The following SAMD5 variants were observed in gnomAD, a reference collection of about 807,000 sequenced individuals.
The protein encoded by SAMD5 is sterile alpha motif domain-containing protein 5.
Under a neutral mutation model 11.3 loss-of-function variants are expected in SAMD5, and 13 were observed. The observed-to-expected ratio is 1.15, with a 90% CI of 0.75 to 1.83. The LOEUF is 1.83. Ranked by LOEUF, SAMD5 falls within the 40% of genes most tolerant of loss-of-function variation. The pLI is 0.00. For synonymous variants in SAMD5, 129 were observed against 111.3 expected, an observed-to-expected ratio of 1.16 and a Z score of -1.00; for missense variants, 255 against 239.1, an observed-to-expected ratio of 1.07 and a Z score of -0.44.
chr6:147,911,237 AATGCT>A, the SAMD5 span, among the ~76,000 whole-genome samples: 3 of 152,306 alleles, frequency 2.0e-5, no homozygotes, highest in East Asian at 5.8e-4. Context: ...TGGCTACGTC[AATGCT>A]GTAGCAACAC....
intron 1 of SAMD5, among the ~76,000 whole-genome samples, chr6:147,654,066 T>A (rs1790531481): frequency 6.6e-6 from 1 of 152,250 alleles, no homozygotes; most frequent in Non-Finnish European, 1.5e-5. Flanking sequence ...TTTTGTCTTT[T>A]TTCCTTTATT....
intron 1 of SAMD5, among the ~76,000 whole-genome samples, chr6:147,616,145 T>TATATTTATTCATATATATTTCATAC (rs1446236663): frequency 1.4e-5 from 2 of 140,178 alleles, no homozygotes; most frequent in Non-Finnish European, 3.2e-5. Flanking sequence ...ATATTTCATA[T>TATATTTATTCATATATATTTCATAC]ATATTTATTC....
chr6:147,712,715 A>G (rs2128458604), intron 1 of SAMD5, among the ~76,000 whole-genome samples: 1 of 152,186 alleles, frequency 6.6e-6, no homozygotes, highest in East Asian at 1.9e-4. Context: ...GGGAGCACAC[A>G]ATGAAAAGGC....
At chr6:147,622,284 T>C (rs1789982678) in intron 1 of SAMD5, among the ~76,000 whole-genome samples, 1 of 152,256 alleles carries the variant, frequency 6.6e-6, no homozygotes, top group East Asian at 1.9e-4. Context: ...TCTAGATTAC[T>C]TATGCTACTT....
the SAMD5 span, among the ~76,000 whole-genome samples, chr6:147,866,045 T>G: frequency 6.6e-6 from 1 of 152,194 alleles, no homozygotes; most frequent in Admixed American, 6.5e-5. Flanking sequence ...AAGAATCAGG[T>G]TTTCATTTAT....
At chr6:147,897,866 A>G in the SAMD5 span, among the ~76,000 whole-genome samples, 1 of 148,882 alleles carries the variant, frequency 6.7e-6, no homozygotes, top group African/African-American at 2.5e-5. Context: ...AATCACTTGA[A>G]GCCGGGAGGC....
At position 147,643,736 on chromosome 6, in the gene SAMD5, GGAAGGAAA is replaced by G. The variant is rs764150412; in HGVS notation, c.163-93573_163-93566del. Among the ~76,000 whole-genome samples, 20 of 124,106 alleles carry G rather than the reference GGAAGGAAA, an allele frequency of 1.6e-4. No homozygotes were observed. The East Asian group carries it at 4.4e-3, about 27-fold the overall frequency. The allele number at this position is 124,106 out of a possible 152,430, so 81.4% of individuals were successfully genotyped here. A position where few individuals can be genotyped will look rare whatever the true frequency, so the allele number is the denominator to read the frequency against. On this transcript the variant is annotated intron_variant, in intron 1 of 1. Coordinates refer to the SAMD5 transcript ENST00000566741. ...ACAGAAAAGAGGGAAAGAGAAAGAG[GGAAGGAAA>G]GAAGGAAGGAAGGAAGGAAGGAAGG... is the stretch of plus-strand genomic sequence containing the variant.
the SAMD5 span, among the ~76,000 whole-genome samples, chr6:147,923,429 T>C: frequency 6.6e-6 from 1 of 152,344 alleles, no homozygotes; most frequent in Non-Finnish European, 1.5e-5. Context: ...TTATATTGAA[T>C]GAATCAATGA....
chr6:147,951,185 CTTTCT>C, the SAMD5 span, among the ~76,000 whole-genome samples: 8 of 115,270 alleles, frequency 6.9e-5, no homozygotes, highest in East Asian at 4.8e-4. Context: ...TTCTTTCTTT[CTTTCT>C]TTTTTTTTTT....
chr6:147,869,836 C>A, the SAMD5 span, among the ~76,000 whole-genome samples: 1 of 151,918 alleles, frequency 6.6e-6, no homozygotes, highest in Non-Finnish European at 1.5e-5. Context: ...TAGTTGGGAC[C>A]ACAGGTGCTC....
In SAMD5 at chr6:147,568,835, A is replaced by T; in HGVS notation, c.*4379A>T. ...AGCTTTACATTATTAATCTCTGAGG[A>T]CATAAAATCAAATAACTTTCTAGTC... On this transcript the variant is annotated 3_prime_UTR_variant, in exon 2 of 2. Coordinates refer to ENST00000367474, the MANE Select transcript of SAMD5 (RefSeq NM_001030060.3). The T allele has an allele frequency of 1.1e-6, 1 of 946,300 alleles. No homozygotes were observed. Among genetic ancestry groups the T allele is most frequent in the African/African-American group, 1.8e-5 (1 of 56,524 alleles). 58.6% of individuals were successfully genotyped at this position (946,300 alleles called of 1,614,324 possible).
intron 1 of SAMD5, among the ~76,000 whole-genome samples, chr6:147,523,185 T>C (rs1039982896): frequency 1.3e-5 from 2 of 152,126 alleles, no homozygotes; most frequent in Non-Finnish European, 2.9e-5. Flanking sequence ...TGAAAACCCT[T>C]ATAAAATAAA....
At chr6:147,702,385 G>A (rs1791266568) in intron 1 of SAMD5, among the ~76,000 whole-genome samples, 1 of 152,146 alleles carries the variant, frequency 6.6e-6, no homozygotes. Flanking sequence ...CTAGATGAGA[G>A]GCAATAAAAC....
chr6:147,814,316 C>T, the SAMD5 span, among the ~76,000 whole-genome samples: 1 of 152,062 alleles, frequency 6.6e-6, no homozygotes, highest in African/African-American at 2.4e-5. Context: ...AGTATATTCA[C>T]GCATATTCAA....
intron 1 of SAMD5, among the ~76,000 whole-genome samples, chr6:147,693,147 C>T (rs79300977): frequency 2.6e-5 from 4 of 152,238 alleles, no homozygotes; most frequent in African/African-American, 2.4e-5. Flanking sequence ...TATGAGAGCA[C>T]GAGCACCTGT....
At chr6:147,705,331 T>A (rs1791310845) in intron 1 of SAMD5, among the ~76,000 whole-genome samples, 1 of 152,110 alleles carries the variant, frequency 6.6e-6, no homozygotes, top group Non-Finnish European at 1.5e-5. Flanking sequence ...GATTTATAAA[T>A]CTCCAAGAAT....
intron 1 of SAMD5, among the ~76,000 whole-genome samples, chr6:147,661,281 A>G (rs777511591): frequency 2.0e-5 from 3 of 152,234 alleles, no homozygotes; most frequent in Admixed American, 6.5e-5. Flanking sequence ...TAATTTAAAA[A>G]TATAAAAAAA....
chr6:147,733,510 C>G (rs1352472938), intron 1 of SAMD5, among the ~76,000 whole-genome samples: 1 of 151,940 alleles, frequency 6.6e-6, no homozygotes, highest in Non-Finnish European at 1.5e-5. Context: ...AGGCCTTTCT[C>G]ACATCAGTGG....
In SAMD5 at chr6:147,546,530, CA is replaced by C. The variant is rs752623961; in HGVS notation, c.460-17851del. On this transcript the variant is annotated intron_variant, in intron 1 of 1. Transcript: ENST00000367474. ...GGGCAACAAGAGCGAAACTCTGTCTCAAAAAAAAAAAAATAGAGTGAGGCCT... is the reference window on the plus strand; with the variant it reads ...GGGCAACAAGAGCGAAACTCTGTCTCAAAAAAAAAAAATAGAGTGAGGCCT... 6.5e-4 allele frequency among the ~76,000 whole-genome samples: 73 copies of C among 112,128 alleles called. 1 individual carries two copies. The highest frequency in any genetic ancestry group is 7.3e-4 in the Non-Finnish European group (42 of 57,444). The allele number at this position is 112,128 out of a possible 152,430, so 73.6% of individuals were successfully genotyped here.
Sources: gnomAD v4.1 joint callset for allele counts (sites outside exome capture counted in the v4.1 genomes callset) on GRCh38, gnomAD v4.1.1 for gene constraint, MANE v1.5 for transcripts, NCBI Gene and HGNC (gene_info 2026-07-23, HGNC 2026-07-21) for gene names.